The following POLB variants were observed in gnomAD, a reference collection of about 807,000 sequenced individuals.
POLB encodes the protein DNA polymerase beta.
Under a neutral mutation model 52.7 loss-of-function variants are expected in POLB, and 37 were observed. The observed-to-expected ratio is 0.70, with a 90% CI of 0.54 to 0.92. POLB has a LOEUF of 0.92. Among genes scored for constraint, POLB ranks in the 40% least tolerant of loss-of-function variants. The pLI is 0.00. For synonymous variants in POLB, 138 were observed against 131.3 expected, an observed-to-expected ratio of 1.05 and a Z score of -0.35; for missense variants, 313 against 400.8, an observed-to-expected ratio of 0.78 and a Z score of 1.87.
intron 2 of POLB, among the ~76,000 whole-genome samples, chr8:42,340,952 A>G (rs1213428872): frequency 6.6e-6 from 1 of 152,226 alleles, no homozygotes; most frequent in Non-Finnish European, 1.5e-5. Context: ...GCTCATCGGG[A>G]TAAGTGAGAG....
At chr8:42,371,464 C>A (rs1585928980) in intron 13 of POLB, 99 bp from the exon 14 acceptor site, 5 of 444,716 alleles carry the variant, frequency 1.1e-5, no homozygotes, top group Non-Finnish European at 2.0e-5. Context: ...TTTCTTTTTT[C>A]TTCTGAAAGC....
intron 6 of POLB, among the ~76,000 whole-genome samples, chr8:42,353,404 G>A (rs1472700666): frequency 6.6e-6 from 1 of 151,394 alleles, no homozygotes; most frequent in East Asian, 1.9e-4. Flanking sequence ...CACCGCGCCT[G>A]GCCCCCTTTA....
At chr8:42,364,188 A>G (rs971916895) in intron 11 of POLB, among the ~76,000 whole-genome samples, 6 of 151,974 alleles carry the variant, frequency 3.9e-5, no homozygotes, top group African/African-American at 1.4e-4. Context: ...CAGCCTCCCA[A>G]AGTACTGGGA....
intron 2 of POLB, chr8:42,340,229 A>C (rs3136718): frequency 0.76 from 115,362 of 152,160 alleles, 48,042 homozygotes; most frequent in Non-Finnish European, 0.93. Flanking sequence ...TAGGTTGAGC[A>C]TCCCTAATCT....
At chr8:42,348,813 A>G (rs943104802) in intron 3 of POLB, among the ~76,000 whole-genome samples, 1 of 152,238 alleles carries the variant, frequency 6.6e-6, no homozygotes, top group Non-Finnish European at 1.5e-5. Context: ...TTATTTTCTC[A>G]GAGTTTCCCT....
intron 9 of POLB, 155 bp from the exon 10 acceptor site, chr8:42,361,140 T>C: frequency 1.4e-6 from 1 of 704,656 alleles, no homozygotes. Context: ...GGACAGAAAA[T>C]TGAAATCTTT....
At chr8:42,349,951 C>A in intron 4 of POLB, 56 bp from the exon 5 acceptor site, 5 of 1,151,452 alleles carry the variant, frequency 4.3e-6, no homozygotes, top group South Asian at 3.7e-5. Flanking sequence ...CCAATAAGAT[C>A]ATTTAAGTCC....
At chr8:42,369,635 C>T (rs962230250) in intron 12 of POLB, 7 of 526,306 alleles carry the variant, frequency 1.3e-5, no homozygotes, top group African/African-American at 1.2e-4. Flanking sequence ...TTTCATTTCT[C>T]CACATCTCTT....
Position 42,362,695 on chromosome 8 carries a change from C to T in POLB, c.705C>T (p.Phe235=). 3 of 1,575,202 alleles carry T rather than the reference C, an allele frequency of 1.9e-6. No individual in the cohort carries two copies. The highest frequency in any genetic ancestry group is 1.1e-5 in the South Asian group (1 of 89,976). The change falls in exon 11 of 14, where the codon TTC becomes TTT. Residue 235 remains phenylalanine (F), a synonymous_variant. Coordinates refer to ENST00000265421, the MANE Select transcript of POLB (RefSeq NM_002690.3). The part of the protein sequence containing the change: ...TDTLSKGETK[F]MGVCQLPSKN... ...CCCTGTCAAAGGGTGAGACAAAGTT[C>T]ATGGTAAGTACTTGTTAGAGTTAGC... is the stretch of plus-strand genomic sequence containing the variant.
At chr8:42,361,443 T>C (rs1823676472) in intron 10 of POLB, 78 bp downstream of exon 10, 1 of 1,017,720 alleles carries the variant, frequency 9.8e-7, no homozygotes. Context: ...AGTTGGGTAT[T>C]TTCAGAATAA....
chr8:42,343,316 C>A (rs556826507), intron 2 of POLB, among the ~76,000 whole-genome samples: 1 of 38,294 alleles, frequency 2.6e-5, no homozygotes, highest in East Asian at 8.9e-4. Flanking sequence ...AGCAAGACTG[C>A]GTCTCAAAAA....
At chr8:42,350,879 T>C (rs1431380626) in intron 5 of POLB, among the ~76,000 whole-genome samples, 1 of 152,158 alleles carries the variant, frequency 6.6e-6, no homozygotes, top group Admixed American at 6.5e-5. Context: ...AAAATTTTTT[T>C]TTTTTTTTAG....
chr8:42,358,462 G>A (rs986766087), intron 9 of POLB, among the ~76,000 whole-genome samples: 4 of 151,940 alleles, frequency 2.6e-5, no homozygotes, highest in Admixed American at 1.3e-4. Context: ...AGATCAAGCC[G>A]CTGCACTCCA....
At chr8:42,342,569 A>G in intron 2 of POLB, 1 of 731,482 alleles carries the variant, frequency 1.4e-6, no homozygotes, top group Non-Finnish European at 2.4e-6. Flanking sequence ...CCATCTTGTC[A>G]TCTTTAAGTT....
chr8:42,363,524 T>A (rs1823849456), intron 11 of POLB, among the ~76,000 whole-genome samples: 1 of 95,842 alleles, frequency 1.0e-5, no homozygotes, highest in African/African-American at 4.7e-5. Flanking sequence ...CGAGACTCTG[T>A]CTCAAAAAAA....
chr8:42,342,765 C>T (rs932657252), intron 2 of POLB: 14 of 319,592 alleles, frequency 4.4e-5, no homozygotes, highest in African/African-American at 2.1e-4. Context: ...GATGCCAAGG[C>T]GGGTGGATGG....
intron 2 of POLB, among the ~76,000 whole-genome samples, chr8:42,344,367 G>A (rs1822464793): frequency 6.6e-6 from 1 of 151,682 alleles, no homozygotes; most frequent in Non-Finnish European, 1.5e-5. Flanking sequence ...AACTTGGGAA[G>A]CTAAGGCAGG....
chr8:42,357,581 T>C, intron 9 of POLB, 189 bp downstream of exon 9: 1 of 476,270 alleles, frequency 2.1e-6, no homozygotes, highest in Non-Finnish European at 3.7e-6. Context: ...CCTGATTTTA[T>C]TATAGGATGA....
At chr8:42,347,827 T>C (rs182465780) in intron 3 of POLB, among the ~76,000 whole-genome samples, 40 of 152,304 alleles carry the variant, frequency 2.6e-4, no homozygotes, top group Admixed American at 2.4e-3. Context: ...TTGGGGACAT[T>C]TATTAAACAT....
Sources: allele counts gnomAD v4.1 joint callset (sites outside exome capture counted in the v4.1 genomes callset), GRCh38; gene constraint gnomAD v4.1.1; transcripts MANE v1.5; gene names NCBI Gene and HGNC (gene_info 2026-07-23, HGNC 2026-07-21).